Variants in PTPRN2 observed in about 807,000 individuals in gnomAD.
The protein encoded by PTPRN2 is receptor-type tyrosine-protein phosphatase N2.
In PTPRN2, 74 loss-of-function variants were observed where a neutral mutation model predicts 118.8. That is an observed-to-expected ratio of 0.62 (90% confidence interval 0.52 to 0.76). The LOEUF (loss-of-function observed/expected upper bound fraction) is 0.76, where lower values mean the gene tolerates loss of function less well. PTPRN2 is among the 30% of genes least tolerant of loss of function. The pLI is 0.00. For synonymous variants in PTPRN2, 641 were observed against 608.0 expected (o/e 1.05, Z -0.80); for missense variants, 1,481 against 1,394.4 (o/e 1.06, Z -0.99).
At chr7:158,004,262 G>A (rs1291534080) in intron 11 of PTPRN2, among the ~76,000 whole-genome samples, 1 of 152,196 alleles carries the variant, frequency 6.6e-6, no homozygotes, top group African/African-American at 2.4e-5. Context: ...GGATGAGAGA[G>A]GGAACCGCCC....
rs143807590 is a variant in PTPRN2 at position 157,917,660 on chromosome 7, A to T, written c.1724-18923T>A. Among the ~76,000 whole-genome samples, 706 of 152,024 alleles carry T rather than the reference A, an allele frequency of 4.6e-3. 8 individuals carry two copies. Among genetic ancestry groups the T allele is most frequent in the African/African-American group, 0.016 (679 of 41,454 alleles). On this transcript the variant is annotated intron_variant, in intron 11 of 22. Coordinates refer to ENST00000389418, the MANE Select transcript of PTPRN2 (RefSeq NM_002847.5). ...ATTTCAGTTTTCAATTGTTCAAATG[A>T]TTTTTTTTCAGTCTGCCTGGTTGCC...
chr7:158,071,029 T>A (rs1811383150), intron 11 of PTPRN2, among the ~76,000 whole-genome samples: 1 of 40,730 alleles, frequency 2.5e-5, no homozygotes, highest in Non-Finnish European at 4.3e-5. Flanking sequence ...GTGGTGGAGG[T>A]GCTCTTAGTA....
chr7:157,968,506 G>T (rs1014788992), intron 11 of PTPRN2, among the ~76,000 whole-genome samples: 25 of 152,200 alleles, frequency 1.6e-4, no homozygotes, highest in African/African-American at 5.6e-4. Flanking sequence ...TTGTGTGAAT[G>T]GATGTGAACC....
intron 11 of PTPRN2, among the ~76,000 whole-genome samples, chr7:157,922,128 G>A (rs1798724131): frequency 2.0e-5 from 3 of 152,238 alleles, no homozygotes; most frequent in Admixed American, 6.5e-5. Flanking sequence ...CTTAAAAACT[G>A]TAGGTAAAGG....
intron 11 of PTPRN2, among the ~76,000 whole-genome samples, chr7:158,071,608 T>A (rs1811734555): frequency 1.8e-5 from 1 of 56,532 alleles, no homozygotes; most frequent in Admixed American, 2.3e-4. Context: ...CTGGTGGAGG[T>A]GCTCGTGGTG....
At chr7:157,686,238 C>T (rs753232390) in intron 12 of PTPRN2, among the ~76,000 whole-genome samples, 1 of 152,216 alleles carries the variant, frequency 6.6e-6, no homozygotes, top group Non-Finnish European at 1.5e-5. Flanking sequence ...AGAGGTCTTC[C>T]CTCCACGCCC....
At chr7:158,333,322 CCA>C (rs1349329666) in intron 2 of PTPRN2, among the ~76,000 whole-genome samples, 1 of 141,596 alleles carries the variant, frequency 7.1e-6, no homozygotes, top group Non-Finnish European at 1.5e-5. Context: ...TCACTCACAC[CCA>C]CACTGTCACC....
At chr7:157,543,486 G>A (rs868649281) in intron 22 of PTPRN2, among the ~76,000 whole-genome samples, 2 of 152,064 alleles carry the variant, frequency 1.3e-5, no homozygotes, top group Non-Finnish European at 2.9e-5. Flanking sequence ...GGACAACCAC[G>A]GGGTGCCCAC....
At chr7:158,029,959 A>G (rs1290269267) in intron 11 of PTPRN2, 1 of 152,300 alleles carries the variant, frequency 6.6e-6, no homozygotes, top group Admixed American at 6.5e-5. Flanking sequence ...CTATGTAAGT[A>G]AACAGTACTC....
At chr7:157,961,737 A>G (rs1226536063) in intron 11 of PTPRN2, among the ~76,000 whole-genome samples, 3 of 152,138 alleles carry the variant, frequency 2.0e-5, no homozygotes, top group African/African-American at 7.2e-5. Flanking sequence ...GCCTTTCAGC[A>G]CTCACACTCG....
chr7:157,775,085 C>T (rs1803113806), intron 12 of PTPRN2, among the ~76,000 whole-genome samples: 1 of 152,182 alleles, frequency 6.6e-6, no homozygotes, highest in Non-Finnish European at 1.5e-5. Flanking sequence ...CAGGGAGTCC[C>T]TCAGTCCTCA....
intron 12 of PTPRN2, among the ~76,000 whole-genome samples, chr7:157,756,256 A>G (rs538352785): frequency 1.3e-5 from 2 of 151,976 alleles, no homozygotes; most frequent in African/African-American, 4.8e-5. Context: ...TCGGCTCTGT[A>G]ATTTATTATC....
chr7:158,105,689 C>T (rs1481881656), intron 10 of PTPRN2, among the ~76,000 whole-genome samples: 1 of 152,142 alleles, frequency 6.6e-6, no homozygotes, highest in Admixed American at 6.5e-5. Context: ...CCACCTCCAT[C>T]CCAGCTCCAC....
intron 5 of PTPRN2, among the ~76,000 whole-genome samples, chr7:158,178,248 A>C (rs892002848): frequency 2.0e-5 from 3 of 152,184 alleles, no homozygotes; most frequent in African/African-American, 7.2e-5. Flanking sequence ...TTTGGGTCAC[A>C]TGTATGAATT....
chr7:157,972,142 T>C (rs1020215205), intron 11 of PTPRN2, among the ~76,000 whole-genome samples: 1 of 152,214 alleles, frequency 6.6e-6, no homozygotes, highest in Non-Finnish European at 1.5e-5. Flanking sequence ...AAATGGAGCA[T>C]ATCACAAGAT....
intron 13 of PTPRN2, among the ~76,000 whole-genome samples, chr7:157,672,624 C>T (rs764855771): frequency 6.6e-5 from 10 of 152,284 alleles, no homozygotes; most frequent in East Asian, 1.9e-4. Context: ...AAGCTGAAAG[C>T]GACGAAACGC....
chr7:157,835,742 A>G (rs189791020), intron 12 of PTPRN2, among the ~76,000 whole-genome samples: 1 of 152,354 alleles, frequency 6.6e-6, no homozygotes, highest in Admixed American at 6.5e-5. Context: ...GGAAGGTCCT[A>G]GTTTATCCCT....
At chr7:158,532,536 C>T (rs1006083466) in intron 1 of PTPRN2, among the ~76,000 whole-genome samples, 6 of 152,058 alleles carry the variant, frequency 3.9e-5, no homozygotes, top group African/African-American at 1.4e-4. Flanking sequence ...CGTGGTGGAC[C>T]GTGCGTTATA....
intron 8 of PTPRN2, among the ~76,000 whole-genome samples, chr7:158,135,312 T>C (rs1305299767): frequency 6.6e-6 from 1 of 152,172 alleles, no homozygotes; most frequent in Non-Finnish European, 1.5e-5. Flanking sequence ...TTAAACAAAA[T>C]AGTAGTGTGA....
Sources: gnomAD v4.1 joint callset for allele counts (sites outside exome capture counted in the v4.1 genomes callset) on GRCh38, gnomAD v4.1.1 for gene constraint, MANE v1.5 for transcripts, NCBI Gene and HGNC (gene_info 2026-07-23, HGNC 2026-07-21) for gene names.